BAG3: variants seen among roughly 807,000 people sequenced by gnomAD.
BAG3 encodes BAG cochaperone 3.
A neutral mutation model predicts 40.5 loss-of-function variants in BAG3; 14 were observed. The ratio of observed to expected loss-of-function variants is 0.35; its 90% CI spans 0.23 to 0.54. The LOEUF (loss-of-function observed/expected upper bound fraction) is 0.54. Ranked by LOEUF, BAG3 falls within the 20% of genes least tolerant of loss-of-function variation. The pLI is 0.91. For missense variants in BAG3, 788 were observed against 758.6 expected (o/e 1.04, Z -0.46); for synonymous variants, 302 against 307.8 (o/e 0.98, Z 0.20).
At chr10:119,653,425 G>T (rs1396614412) in intron 1 of BAG3, among the ~76,000 whole-genome samples, 2 of 152,146 alleles carry the variant, frequency 1.3e-5, no homozygotes, top group Non-Finnish European at 2.9e-5. Flanking sequence ...GTATCTGTTG[G>T]CAGCCTTTGT....
At chr10:119,661,310 G>GTT (rs879495992) in intron 1 of BAG3, among the ~76,000 whole-genome samples, 2,059 of 152,222 alleles carry the variant, frequency 0.014, 26 homozygotes, top group Middle Eastern at 0.041. Context: ...TTAGGGCACA[G>GTT]AGCAGCTCAG....
chr10:119,661,078 A>G (rs1400056044), intron 1 of BAG3, among the ~76,000 whole-genome samples: 2 of 148,788 alleles, frequency 1.3e-5, no homozygotes, highest in Non-Finnish European at 3.0e-5. Context: ...GGGCAATAAG[A>G]GTGAATCTTC....
chr10:119,664,584 T>G (rs895739015), intron 1 of BAG3, among the ~76,000 whole-genome samples: 1 of 152,114 alleles, frequency 6.6e-6, no homozygotes, highest in African/African-American at 2.4e-5. Flanking sequence ...TCACCGTGGT[T>G]GCATCCCAGT....
At chr10:119,675,911 T>TCCCTC (rs1554877664) in intron 3 of BAG3, among the ~76,000 whole-genome samples, 9 of 6,280 alleles carry the variant, frequency 1.4e-3, no homozygotes, top group African/African-American at 2.1e-3. Context: ...CCCCCTTCCT[T>TCCCTC]CCTTCCTTCC....
rs935871540 is a variant in BAG3 at position 119,672,661 on chromosome 10, G to A, written c.909+5G>A. The A allele has an allele frequency of 4.3e-6, 7 of 1,612,372 alleles. No individual in the cohort carries two copies. The highest frequency in any genetic ancestry group is 1.1e-5 in the South Asian group (1 of 91,074). ...ACCGTGGTCGACAGGCCTCAGGTACGGGAAGTTAGTCGTCAGCAGACTGGT... is the reference window on the plus strand; with the variant it reads ...ACCGTGGTCGACAGGCCTCAGGTACAGGAAGTTAGTCGTCAGCAGACTGGT... On this transcript the variant is annotated splice_donor_5th_base_variant and intron_variant, in intron 3 of 3. Coordinates refer to ENST00000369085, the MANE Select transcript of BAG3 (RefSeq NM_004281.4). The surrounding 1 kb of genome is among the most constrained non-coding windows in gnomAD (Gnocchi z 4.8).
chr10:119,665,024 T>A (rs1847039141), intron 1 of BAG3, among the ~76,000 whole-genome samples: 1 of 151,322 alleles, frequency 6.6e-6, no homozygotes. Context: ...TTCAAGCGAT[T>A]CTCCTGCCTC....
In BAG3 at chr10:119,676,790, A is replaced by G. The variant is rs113856701; in HGVS notation, c.1236A>G (p.Glu412=). The G allele has an allele frequency of 6.2e-7, 1 of 1,614,096 alleles. No individual in the cohort carries two copies. The highest frequency in any genetic ancestry group is 8.5e-7 in the Non-Finnish European group (1 of 1,180,046). ...PAEATPPKPG[E]AEAPPKHPGV... ...AAGCTACACCTCCAAAACCAGGAGA[A>G]GCCGAGGCTCCCCCAAAACATCCAG... Residue 412 remains glutamate, a synonymous_variant, in exon 4 of 4, where the codon GAA becomes GAG. Transcript: ENST00000369085.
At chr10:119,656,732 G>C (rs1307058925) in intron 1 of BAG3, 1 of 152,058 alleles carries the variant, frequency 6.6e-6, no homozygotes, top group Non-Finnish European at 1.5e-5. Flanking sequence ...CAAAAGCTTA[G>C]GAAGAATTTG....
At position 119,651,473 on chromosome 10, in the gene BAG3, C is replaced by T. The variant is rs1200750422; in HGVS notation, c.-203C>T. The T allele has an allele frequency of 2.2e-6, 1 of 449,578 alleles. No homozygotes were observed. The highest frequency in any genetic ancestry group is 3.8e-6 in the Non-Finnish European group (1 of 262,690). 27.8% of individuals were successfully genotyped at this position (449,578 alleles called of 1,614,324 possible). On this transcript the variant is annotated 5_prime_UTR_variant, in exon 1 of 4. Coordinates refer to ENST00000369085, the MANE Select transcript of BAG3 (RefSeq NM_004281.4). ...CCTCCCTTTATCTCCTCCTTCCCCT[C>T]TGGCAGCGAGGAGGCTATTTCCAGA... is the stretch of plus-strand genomic sequence containing the variant.
At chr10:119,652,751 C>T (rs146718955) in intron 1 of BAG3, among the ~76,000 whole-genome samples, 1 of 152,330 alleles carries the variant, frequency 6.6e-6, no homozygotes, top group Non-Finnish European at 1.5e-5. Flanking sequence ...ACTAATGATA[C>T]TCTTGTGAAT....
rs1292256256 is a variant in BAG3, at chr10:119,670,006, T to C, written c.336T>C (p.His112=). ...GAENRQVHPF[H]VYPQPGMQRF... ...AGAACCGGCAGGTGCACCCTTTCCA[T>C]GTCTATCCCCAGCCTGGGATGCAGC... is the stretch of plus-strand genomic sequence containing the variant. Residue 112 remains histidine, a synonymous_variant, in exon 2 of 4, where the codon CAT becomes CAC. Transcript: ENST00000369085. 1.2e-6 allele frequency: 2 copies of C among 1,614,192 alleles called. No homozygotes were observed. Among genetic ancestry groups the C allele is most frequent in the African/African-American group, 1.3e-5 (1 of 75,054 alleles).
At chr10:119,652,977 C>T (rs538834564) in intron 1 of BAG3, among the ~76,000 whole-genome samples, 7 of 152,048 alleles carry the variant, frequency 4.6e-5, no homozygotes, top group East Asian at 1.9e-4. Context: ...TTGTTAACGC[C>T]GTCTGGGCAA....
chr10:119,660,077 A>C (rs745460698), intron 1 of BAG3, among the ~76,000 whole-genome samples: 8 of 152,214 alleles, frequency 5.3e-5, no homozygotes, highest in Non-Finnish European at 1.2e-4. Flanking sequence ...ATGCTGACTC[A>C]GGTGCCCCCA....
chr10:119,669,249 G>T (rs538688259), intron 1 of BAG3, among the ~76,000 whole-genome samples: 1 of 152,140 alleles, frequency 6.6e-6, no homozygotes, highest in South Asian at 2.1e-4. Flanking sequence ...GTTAACCCTG[G>T]GTGCCCCTCT....
intron 1 of BAG3, among the ~76,000 whole-genome samples, chr10:119,667,535 C>T (rs1363542371): frequency 6.6e-6 from 1 of 152,176 alleles, no homozygotes; most frequent in African/African-American, 2.4e-5. Context: ...CACACTTAGA[C>T]CCTACCTAGG....
At chr10:119,664,477 T>A (rs550071813) in intron 1 of BAG3, among the ~76,000 whole-genome samples, 15 of 152,344 alleles carry the variant, frequency 9.8e-5, no homozygotes, top group African/African-American at 3.6e-4. Flanking sequence ...GTATAATATG[T>A]GTTCCTGATG....
intron 2 of BAG3, among the ~76,000 whole-genome samples, chr10:119,670,455 C>T (rs1485317261): frequency 6.6e-6 from 1 of 152,254 alleles, no homozygotes; most frequent in Non-Finnish European, 1.5e-5. Context: ...ACACTGCAGC[C>T]TGCCTGCTCC....
chr10:119,656,860 C>A (rs1271532110), intron 1 of BAG3, among the ~76,000 whole-genome samples: 1 of 152,102 alleles, frequency 6.6e-6, no homozygotes, highest in African/African-American at 2.4e-5. Context: ...CTCACCAGCT[C>A]TTTGAACTAG....
chr10:119,670,008 T>G lies in BAG3; in HGVS notation c.338T>G (p.Val113Gly), dbSNP rs1347293457. The G allele has an allele frequency of 6.2e-7, 1 of 1,614,132 alleles. No homozygotes were observed. Among genetic ancestry groups the G allele is most frequent in the Non-Finnish European group, 8.5e-7 (1 of 1,180,056 alleles). The change falls in exon 2 of 4, where the codon GTC becomes GGC. Residue 113 changes from valine (V) to glycine (G), a missense_variant. Physicochemically the swap from Val to Gly is moderately radical, Grantham distance 109. Coordinates refer to ENST00000369085, the MANE Select transcript of BAG3 (RefSeq NM_004281.4). Reference protein sequence around the residue: ...AENRQVHPFHVYPQPGMQRFR... With the variant: ...AENRQVHPFHGYPQPGMQRFR... ...AACCGGCAGGTGCACCCTTTCCATGTCTATCCCCAGCCTGGGATGCAGCGA... is the reference window on the plus strand; with the variant it reads ...AACCGGCAGGTGCACCCTTTCCATGGCTATCCCCAGCCTGGGATGCAGCGA...
Sources: gnomAD v4.1 joint callset for allele counts (sites outside exome capture counted in the v4.1 genomes callset) on GRCh38, gnomAD v4.1.1 for gene constraint, Gnocchi (gnomAD v3.1) non-coding constraint, MANE v1.5 for transcripts, NCBI Gene and HGNC (gene_info 2026-07-23, HGNC 2026-07-21) for gene names.